The following GUCY1B1 variants were observed in gnomAD, a reference collection of about 807,000 sequenced individuals.
GUCY1B1 encodes the protein guanylate cyclase soluble subunit beta-1.
A neutral mutation model predicts 71.0 loss-of-function variants in GUCY1B1; 43 were observed. The observed-to-expected ratio is 0.61, with a 90% CI of 0.47 to 0.78. GUCY1B1 has a LOEUF of 0.78. GUCY1B1 is among the 30% of genes least tolerant of loss of function. The pLI is 0.00. For missense variants in GUCY1B1, 535 were observed against 754.1 expected (o/e 0.71, Z 3.40); for synonymous variants, 266 against 259.7 (o/e 1.02, Z -0.23).
At chr4:155,773,851 C>T (rs1055833144) in intron 2 of GUCY1B1, among the ~76,000 whole-genome samples, 1 of 152,178 alleles carries the variant, frequency 6.6e-6, no homozygotes, top group African/African-American at 2.4e-5. Flanking sequence ...CCACGCCAGG[C>T]TAATTTTTTG....
chr4:155,782,208 T>C (rs931569754), intron 4 of GUCY1B1, among the ~76,000 whole-genome samples: 1 of 152,148 alleles, frequency 6.6e-6, no homozygotes, highest in African/African-American at 2.4e-5. Flanking sequence ...CCCGAGTAGC[T>C]GGGACTACAG....
chr4:155,789,839 A>G lies in GUCY1B1; in HGVS notation c.423A>G (p.Gly141=). The change falls in exon 5 of 14, where the codon GGA becomes GGG. Residue 141 remains glycine, a synonymous_variant. Transcript: ENST00000264424. ...TGCACTACTACTCAGAGAGAGAAGG[A>G]CTTCAGGATATTGTCATTGGAATCA... The part of the protein sequence containing the change: ...LILHYYSERE[G]LQDIVIGIIK... 1 of 1,612,598 alleles carries G rather than the reference A, an allele frequency of 6.2e-7. No individual in the cohort carries two copies. The highest frequency in any genetic ancestry group is 8.5e-7 in the Non-Finnish European group (1 of 1,178,634).
chr4:155,761,939 T>C (rs1402822519), intron 2 of GUCY1B1, among the ~76,000 whole-genome samples: 2 of 152,226 alleles, frequency 1.3e-5, no homozygotes, highest in Admixed American at 1.3e-4. Flanking sequence ...ACACTGGTGT[T>C]GGTAATCCAG....
chr4:155,771,873 T>A (rs1233141915), intron 2 of GUCY1B1, among the ~76,000 whole-genome samples: 2 of 152,190 alleles, frequency 1.3e-5, no homozygotes, highest in African/African-American at 2.4e-5. Context: ...TATGAAAAGA[T>A]ATCCATCAAA....
At chr4:155,789,200 G>T (rs1006733361) in intron 4 of GUCY1B1, among the ~76,000 whole-genome samples, 1 of 152,140 alleles carries the variant, frequency 6.6e-6, no homozygotes, top group African/African-American at 2.4e-5. Context: ...TAATTTCTAA[G>T]ATATTAGAAT....
In GUCY1B1 at chr4:155,796,388, G is replaced by A; in HGVS notation, c.855G>A (p.Leu285=). The change falls in exon 8 of 14, where the codon TTG becomes TTA. Residue 285 remains leucine (L), a synonymous_variant. Transcript: ENST00000264424. ...CTTGCCTTTTCAAGGAAGGATTGTT[G>A]GATGTGGAGAAATTAGAATGTGAGG... The part of the protein sequence containing the change: ...VFVLRSKEGL[L]DVEKLECEDE... 2 of 1,613,234 alleles carry A rather than the reference G, an allele frequency of 1.2e-6. No individual in the cohort carries two copies. Among genetic ancestry groups the A allele is most frequent in the South Asian group, 2.2e-5 (2 of 90,976 alleles).
At chr4:155,770,841 C>A (rs1737649045) in intron 2 of GUCY1B1, among the ~76,000 whole-genome samples, 2 of 152,174 alleles carry the variant, frequency 1.3e-5, no homozygotes, top group South Asian at 4.1e-4. Context: ...CTGCATCCAG[C>A]CCCTTCCTCT....
intron 4 of GUCY1B1, among the ~76,000 whole-genome samples, chr4:155,785,754 A>G (rs535396184): frequency 6.6e-6 from 1 of 152,334 alleles, no homozygotes; most frequent in African/African-American, 2.4e-5. Flanking sequence ...CAAGTAAGGA[A>G]GGTTGTAACT....
At chr4:155,803,571 T>G in intron 10 of GUCY1B1, 53 bp from the exon 11 acceptor site, 1 of 1,282,706 alleles carries the variant, frequency 7.8e-7, no homozygotes, top group Middle Eastern at 2.0e-4. Flanking sequence ...GGGTAATAAA[T>G]GAAACAGTCT....
intron 4 of GUCY1B1, among the ~76,000 whole-genome samples, chr4:155,781,337 T>C (rs557978390): frequency 3.9e-5 from 6 of 152,278 alleles, no homozygotes; most frequent in Admixed American, 1.3e-4. Flanking sequence ...TCCAGAAAAA[T>C]ATTTGTTTTC....
chr4:155,774,824 A>G (rs1737931536), intron 2 of GUCY1B1, 144 bp from the exon 3 acceptor site: 1 of 622,514 alleles, frequency 1.6e-6, no homozygotes, highest in Non-Finnish European at 2.9e-6. Context: ...TTTTAGGTAC[A>G]TGATGATGTT....
At position 155,802,417 on chromosome 4, in the gene GUCY1B1, T is replaced by C; in HGVS notation, c.1251T>C (p.Tyr417=). 6.2e-7 allele frequency: 1 copy of C among 1,613,770 alleles called. No homozygotes were observed. The highest frequency in any genetic ancestry group is 8.5e-7 in the Non-Finnish European group (1 of 1,179,742). ...AGCGTCCAGTGCCTGCCAAAAGATA[T>C]GACAATGTGACCATCCTCTTTAGTG... ...RHKRPVPAKR[Y]DNVTILFSGI... The change falls in exon 10 of 14, where the codon TAT becomes TAC. Residue 417 remains tyrosine, a synonymous_variant. Transcript: ENST00000264424. The surrounding 1 kb of genome is among the most constrained non-coding windows in gnomAD (Gnocchi z 4.3).
intron 2 of GUCY1B1, among the ~76,000 whole-genome samples, chr4:155,760,220 A>G (rs534888889): frequency 6.6e-6 from 1 of 152,294 alleles, no homozygotes; most frequent in East Asian, 1.9e-4. Flanking sequence ...GGCCTCCGCG[A>G]GGTTCCTGCG....
At chr4:155,778,700 C>T (rs1738219212) in intron 4 of GUCY1B1, among the ~76,000 whole-genome samples, 1 of 152,164 alleles carries the variant, frequency 6.6e-6, no homozygotes, top group Non-Finnish European at 1.5e-5. Context: ...AAAAAGCTGC[C>T]ACTTCCAAAT....
chr4:155,769,783 G>A (rs1305807242), intron 2 of GUCY1B1, among the ~76,000 whole-genome samples: 1 of 151,984 alleles, frequency 6.6e-6, no homozygotes, highest in East Asian at 1.9e-4. Context: ...GTGGTTCTCA[G>A]GGAAACCTGT....
rs528249414 is a variant in GUCY1B1 at position 155,802,395 on chromosome 4, G to A, written c.1229G>A (p.Arg410His). Residue 410 changes from arginine to histidine, a missense_variant, in exon 10 of 14, where the codon CGT becomes CAT. Transcript: ENST00000264424. The surrounding 1 kb of genome is among the most constrained non-coding windows in gnomAD (Gnocchi z 4.3). ...GTTGCCAATGAGCTGCGGCACAAGCGTCCAGTGCCTGCCAAAAGATATGAC... is the reference window on the plus strand; with the variant it reads ...GTTGCCAATGAGCTGCGGCACAAGCATCCAGTGCCTGCCAAAAGATATGAC... ...PSVANELRHK[R>H]PVPAKRYDNV... 2.3e-5 allele frequency: 37 copies of A among 1,613,396 alleles called. No homozygotes were observed. Among genetic ancestry groups the A allele is most frequent in the Admixed American group, 1.7e-4 (10 of 59,970 alleles).
intron 2 of GUCY1B1, among the ~76,000 whole-genome samples, chr4:155,766,791 G>C (rs1737363783): frequency 2.0e-5 from 3 of 152,172 alleles, no homozygotes; most frequent in African/African-American, 7.2e-5. Flanking sequence ...GTGTGGTGCT[G>C]TTTAAAGTCA....
intron 5 of GUCY1B1, among the ~76,000 whole-genome samples, chr4:155,793,022 T>C (rs542180095): frequency 6.6e-6 from 1 of 152,284 alleles, no homozygotes; most frequent in East Asian, 1.9e-4. Context: ...TACCCCCTCA[T>C]CAGTGGTATT....
intron 8 of GUCY1B1, among the ~76,000 whole-genome samples, chr4:155,797,843 A>G (rs1393763337): frequency 1.3e-5 from 2 of 151,458 alleles, no homozygotes; most frequent in Non-Finnish European, 2.9e-5. Context: ...ATCAGATAAT[A>G]TAAGGATATG....
Sources: gnomAD v4.1 joint callset for allele counts (sites outside exome capture counted in the v4.1 genomes callset) on GRCh38, gnomAD v4.1.1 for gene constraint, Gnocchi (gnomAD v3.1) non-coding constraint, MANE v1.5 for transcripts, NCBI Gene and HGNC (gene_info 2026-07-23, HGNC 2026-07-21) for gene names.